Variants in SLIT3 observed in about 807,000 individuals in gnomAD.
SLIT3 encodes the protein slit guidance ligand 3, also known as slit homolog 3 protein.
In SLIT3, 68 loss-of-function variants were observed where a neutral mutation model predicts 184.0. The observed-to-expected ratio is 0.37, with a 90% CI of 0.30 to 0.45. The LOEUF (loss-of-function observed/expected upper bound fraction) is 0.45, where lower values mean the gene tolerates loss of function less well. SLIT3 is among the 20% of genes least tolerant of loss of function. The pLI, the probability that SLIT3 is intolerant of heterozygous loss-of-function variation, is 1.00. For missense variants in SLIT3, 1,707 were observed against 2,026.0 expected, an observed-to-expected ratio of 0.84 and a Z score of 3.02; for synonymous variants, 831 against 828.6, an observed-to-expected ratio of 1.00 and a Z score of -0.05.
intron 34 of SLIT3, among the ~76,000 whole-genome samples, chr5:168,670,561 T>A (rs1761205829): frequency 6.6e-6 from 1 of 152,176 alleles, no homozygotes; most frequent in African/African-American, 2.4e-5. Flanking sequence ...AGGATCCGTA[T>A]TATAGAGTCA....
In SLIT3 at chr5:169,244,505, G is replaced by A. The variant is rs540338548; in HGVS notation, c.341+200C>T. Reference sequence around the variant, plus strand: ...AAAGCTGATTCTAGCAACTTTTACAGAAAAGGAGTGTAAGTGGATCTCAGT... The same window carrying A: ...AAAGCTGATTCTAGCAACTTTTACAAAAAAGGAGTGTAAGTGGATCTCAGT... On this transcript the variant is annotated intron_variant, in intron 3 of 35. Transcript: ENST00000519560. Among the ~76,000 whole-genome samples, 79 of 152,322 alleles carry A rather than the reference G, an allele frequency of 5.2e-4. 1 individual carries two copies. The highest frequency in any genetic ancestry group is 1.7e-3 in the South Asian group (8 of 4,828).
intron 4 of SLIT3, among the ~76,000 whole-genome samples, chr5:169,152,819 G>T (rs997336642): frequency 5.3e-5 from 8 of 152,102 alleles, no homozygotes; most frequent in African/African-American, 1.9e-4. Flanking sequence ...AGTGTGAGGG[G>T]CTGTAATGAC....
intron 9 of SLIT3, among the ~76,000 whole-genome samples, chr5:168,804,470 G>T (rs1318131077): frequency 6.6e-6 from 1 of 152,124 alleles, no homozygotes; most frequent in Non-Finnish European, 1.5e-5. Flanking sequence ...GGAGAAGTAG[G>T]TGAGGACTAA....
chr5:168,942,795 A>G (rs1165667126), intron 4 of SLIT3, among the ~76,000 whole-genome samples: 1 of 151,240 alleles, frequency 6.6e-6, no homozygotes, highest in Admixed American at 6.6e-5. Flanking sequence ...TAGGATCAGA[A>G]TGATAAATAG....
At chr5:169,144,892 A>G (rs1261542118) in intron 4 of SLIT3, among the ~76,000 whole-genome samples, 1 of 152,074 alleles carries the variant, frequency 6.6e-6, no homozygotes, top group Non-Finnish European at 1.5e-5. Context: ...CCTGCCTGGG[A>G]CGATGCATGC....
At chr5:168,893,847 T>G (rs1760561507) in intron 4 of SLIT3, among the ~76,000 whole-genome samples, 1 of 152,220 alleles carries the variant, frequency 6.6e-6, no homozygotes, top group Admixed American at 6.5e-5. Flanking sequence ...TGTGGCCTGA[T>G]AGCCTAGGTT....
intron 29 of SLIT3, among the ~76,000 whole-genome samples, chr5:168,688,984 C>G (rs1274448102): frequency 6.6e-6 from 1 of 152,234 alleles, no homozygotes; most frequent in Non-Finnish European, 1.5e-5. Flanking sequence ...ATTAGGGAAG[C>G]TATTCTCACT....
chr5:169,129,209 G>C (rs562638578), intron 4 of SLIT3, among the ~76,000 whole-genome samples: 1 of 152,208 alleles, frequency 6.6e-6, no homozygotes, highest in South Asian at 2.1e-4. Flanking sequence ...CCTCTCTAAT[G>C]TGCTGAAATG....
At chr5:168,926,603 C>A (rs144111439) in intron 4 of SLIT3, among the ~76,000 whole-genome samples, 4 of 152,130 alleles carry the variant, frequency 2.6e-5, no homozygotes, top group African/African-American at 9.7e-5. Flanking sequence ...GTTAAAGCCC[C>A]GCTTAAAAAC....
intron 5 of SLIT3, among the ~76,000 whole-genome samples, chr5:168,868,509 G>A (rs1375340156): frequency 6.6e-6 from 1 of 152,092 alleles, no homozygotes; most frequent in Non-Finnish European, 1.5e-5. Flanking sequence ...CAGCACTTTG[G>A]GAGGACAAAG....
At chr5:169,084,457 T>A (rs1014606535) in intron 4 of SLIT3, among the ~76,000 whole-genome samples, 6 of 66,848 alleles carry the variant, frequency 9.0e-5, no homozygotes, top group Admixed American at 1.6e-4. Context: ...TGCCCAGATT[T>A]TTTTTTTTTT....
intron 4 of SLIT3, among the ~76,000 whole-genome samples, chr5:168,920,368 A>G (rs1761596071): frequency 6.6e-6 from 1 of 152,096 alleles, no homozygotes; most frequent in Non-Finnish European, 1.5e-5. Flanking sequence ...CCGGGTGGCT[A>G]ACTCCCTTCT....
At chr5:169,028,730 T>C (rs1456174467) in intron 4 of SLIT3, among the ~76,000 whole-genome samples, 4 of 152,220 alleles carry the variant, frequency 2.6e-5, no homozygotes, top group Non-Finnish European at 5.9e-5. Context: ...GCTAGACTAA[T>C]AACTTCTTTA....
chr5:169,005,032 G>C (rs1489124673), intron 4 of SLIT3, among the ~76,000 whole-genome samples: 1 of 152,188 alleles, frequency 6.6e-6, no homozygotes, highest in Non-Finnish European at 1.5e-5. Flanking sequence ...CATCAAGCAA[G>C]TCTATTGGTG....
chr5:168,953,155 C>G (rs1272125111), intron 4 of SLIT3, among the ~76,000 whole-genome samples: 8 of 152,150 alleles, frequency 5.3e-5, no homozygotes, highest in Non-Finnish European at 7.3e-5. Context: ...TAGTTGGGAA[C>G]AGGACTCAAA....
In SLIT3 at chr5:168,718,817, G is replaced by A. The variant is rs189180793; in HGVS notation, c.2483+3439C>T. On this transcript the variant is annotated intron_variant, in intron 23 of 35. Transcript: ENST00000519560. Reference sequence around the variant, plus strand: ...AGATCACTTTTTGGCCTTTGTCTACGCCCAAACTAAACCTTGATGCTCATT... The same window carrying A: ...AGATCACTTTTTGGCCTTTGTCTACACCCAAACTAAACCTTGATGCTCATT... Among the ~76,000 whole-genome samples, 352 of 150,212 alleles carry A rather than the reference G, an allele frequency of 2.3e-3. 1 individual carries two copies. Among genetic ancestry groups the A allele is most frequent in the Non-Finnish European group, 4.1e-3 (277 of 67,796 alleles).
chr5:168,999,331 C>T (rs1755623956), intron 4 of SLIT3, among the ~76,000 whole-genome samples: 1 of 152,130 alleles, frequency 6.6e-6, no homozygotes, highest in African/African-American at 2.4e-5. Flanking sequence ...TGCAGCAGTT[C>T]ATCTTGTGCT....
At chr5:169,139,086 A>G (rs560449707) in intron 4 of SLIT3, among the ~76,000 whole-genome samples, 4 of 152,328 alleles carry the variant, frequency 2.6e-5, no homozygotes, top group Admixed American at 2.6e-4. Context: ...GACTGGAGAC[A>G]AGTCCTCTGT....
chr5:169,159,284 T>C (rs12658879), intron 4 of SLIT3, among the ~76,000 whole-genome samples: 5,409 of 150,186 alleles, frequency 0.036, 302 homozygotes, highest in East Asian at 0.27. Flanking sequence ...AAATTAGCCA[T>C]GCATGGTGGC....
Sources: gnomAD v4.1 joint callset for allele counts (sites outside exome capture counted in the v4.1 genomes callset) on GRCh38, gnomAD v4.1.1 for gene constraint, MANE v1.5 for transcripts, NCBI Gene and HGNC (gene_info 2026-07-23, HGNC 2026-07-21) for gene names.